Variants in KCTD1 observed in about 807,000 individuals in gnomAD.
KCTD1 encodes BTB/POZ domain-containing protein KCTD1.
In KCTD1, 24 loss-of-function variants were observed where a neutral mutation model predicts 66.0. The ratio of observed to expected loss-of-function variants is 0.36; its 90% CI spans 0.26 to 0.51. The LOEUF (loss-of-function observed/expected upper bound fraction) is 0.51, where lower values mean the gene tolerates loss of function less well. Ranked by LOEUF, KCTD1 falls within the 20% of genes least tolerant of loss-of-function variation. The pLI, the probability that KCTD1 is intolerant of heterozygous loss-of-function variation, is 0.95. For missense variants in KCTD1, 943 were observed against 1,205.2 expected (o/e 0.78, Z 3.22); for synonymous variants, 511 against 517.2 (o/e 0.99, Z 0.16).
chr18:26,653,463 A>G (rs1264183701), intron 1 of KCTD1, among the ~76,000 whole-genome samples: 2 of 152,196 alleles, frequency 1.3e-5, no homozygotes, highest in Non-Finnish European at 2.9e-5. Flanking sequence ...ATGCTACCAG[A>G]ACCCCATATT....
At chr18:26,480,943 A>G (rs1180885921) in intron 2 of KCTD1, among the ~76,000 whole-genome samples, 1 of 152,174 alleles carries the variant, frequency 6.6e-6, no homozygotes, top group African/African-American at 2.4e-5. Context: ...AGTCAAAGAG[A>G]GTATGGGGCT....
chr18:26,567,329 G>A (rs1986003719), intron 1 of KCTD1, among the ~76,000 whole-genome samples: 2 of 152,256 alleles, frequency 1.3e-5, no homozygotes, highest in Admixed American at 6.5e-5. Flanking sequence ...TACAAACTGT[G>A]TAACAACCAC....
At chr18:26,611,912 A>G (rs1987147426) in intron 1 of KCTD1, among the ~76,000 whole-genome samples, 1 of 152,124 alleles carries the variant, frequency 6.6e-6, no homozygotes, top group Admixed American at 6.5e-5. Flanking sequence ...TTTGCTTTTA[A>G]GATTTGTTAG....
At chr18:26,649,866 T>C (rs1244940020) in intron 1 of KCTD1, among the ~76,000 whole-genome samples, 1 of 152,156 alleles carries the variant, frequency 6.6e-6, no homozygotes, top group Non-Finnish European at 1.5e-5. Flanking sequence ...CCAGAGGCGA[T>C]TCCAAGTTTA....
At chr18:26,471,069 C>T (rs894871778) in intron 3 of KCTD1, among the ~76,000 whole-genome samples, 8 of 152,094 alleles carry the variant, frequency 5.3e-5, no homozygotes, top group African/African-American at 1.9e-4. Context: ...CTCATTTCTG[C>T]TTGACCCTCT....
intron 1 of KCTD1, among the ~76,000 whole-genome samples, chr18:26,556,921 T>C (rs1015736435): frequency 4.6e-5 from 7 of 152,178 alleles, no homozygotes; most frequent in Admixed American, 4.6e-4. Flanking sequence ...GCCATTTACC[T>C]TTTAAGTACT....
At chr18:26,551,050 C>T (rs1182221380), upstream of KCTD1, among the ~76,000 whole-genome samples, 1 of 152,184 alleles carries the variant, frequency 6.6e-6, no homozygotes, top group Non-Finnish European at 1.5e-5. Context: ...AGCCGCCCCC[C>T]AGGTCTCCCC....
At chr18:26,492,695 G>A (rs1416464929) in intron 2 of KCTD1, among the ~76,000 whole-genome samples, 1 of 151,936 alleles carries the variant, frequency 6.6e-6, no homozygotes, top group African/African-American at 2.4e-5. Context: ...AAGCATCATG[G>A]AGTCAGAGTG....
At chr18:26,519,633 C>T (rs543019714) in intron 1 of KCTD1, among the ~76,000 whole-genome samples, 1 of 152,304 alleles carries the variant, frequency 6.6e-6, no homozygotes, top group East Asian at 1.9e-4. Context: ...ATTATTTCAT[C>T]TGCCAATAAC....
Position 26,476,717 on chromosome 18 carries a change from A to T in KCTD1, c.1989-58T>A, listed in dbSNP as rs1981368816. On this transcript the variant is annotated intron_variant, in intron 2 of 4. Transcript: ENST00000580059. This position sits in a 1 kb window ranked among gnomAD's most constrained non-coding sequence, Gnocchi z 4.9. ...TTAGATCAATTGTTCGGGCACTAGG[A>T]CTAAGAGGTGTCTTTTATCACTGTC... The T allele has an allele frequency of 6.7e-7, 1 of 1,493,038 alleles. No individual in the cohort carries two copies. Among genetic ancestry groups the T allele is most frequent in the African/African-American group, 1.4e-5 (1 of 71,496 alleles). The allele number at this position is 1,493,038 out of a possible 1,614,324, so 92.5% of individuals were successfully genotyped here. A position where few individuals can be genotyped will look rare whatever the true frequency, so the allele number is the denominator to read the frequency against.
chr18:26,492,893 T>A (rs911061427), intron 2 of KCTD1, among the ~76,000 whole-genome samples: 1 of 152,178 alleles, frequency 6.6e-6, no homozygotes, highest in African/African-American at 2.4e-5. Flanking sequence ...TAAGGTTATA[T>A]GAAATAAACC....
chr18:26,577,172 C>T (rs1986244023), intron 1 of KCTD1, among the ~76,000 whole-genome samples: 1 of 152,172 alleles, frequency 6.6e-6, no homozygotes, highest in Admixed American at 6.5e-5. Flanking sequence ...TGGTACCCTG[C>T]TGTGTGCTTT....
At chr18:26,643,908 G>A (rs546735830), upstream of KCTD1, among the ~76,000 whole-genome samples, 3 of 152,096 alleles carry the variant, frequency 2.0e-5, no homozygotes, top group Non-Finnish European at 4.4e-5. Flanking sequence ...CTTGCAGTGA[G>A]CTGAGATAGC....
chr18:26,597,331 G>A (rs1172642649), intron 1 of KCTD1, among the ~76,000 whole-genome samples: 1 of 152,110 alleles, frequency 6.6e-6, no homozygotes, highest in African/African-American at 2.4e-5. Flanking sequence ...GAACAAACTT[G>A]AGGTGTGGAG....
At chr18:26,643,136 G>A (rs567480352), upstream of KCTD1, among the ~76,000 whole-genome samples, 12 of 152,270 alleles carry the variant, frequency 7.9e-5, no homozygotes, top group East Asian at 2.1e-3. Context: ...GCAGATTCTG[G>A]CAGGGCTCTC....
chr18:26,493,677 G>A (rs1442980291), intron 2 of KCTD1, among the ~76,000 whole-genome samples: 2 of 152,082 alleles, frequency 1.3e-5, no homozygotes, highest in Admixed American at 6.5e-5. Flanking sequence ...CCATCCCCTC[G>A]AGCATTTATC....
At chr18:26,487,170 T>C (rs1981962305) in intron 2 of KCTD1, among the ~76,000 whole-genome samples, 1 of 152,044 alleles carries the variant, frequency 6.6e-6, no homozygotes, top group Non-Finnish European at 1.5e-5. Context: ...TGAAAGGTGG[T>C]TGGATGAATG....
chr18:26,550,712 C>T (rs1002123885), upstream of KCTD1, among the ~76,000 whole-genome samples: 7 of 152,364 alleles, frequency 4.6e-5, no homozygotes, highest in African/African-American at 1.4e-4. This position sits in a 1 kb window ranked among gnomAD's most constrained non-coding sequence, Gnocchi z 5.4. Flanking sequence ...CCCGCCGCAC[C>T]CGCCCTGGAC....
At chr18:26,627,262 T>TTGTGTGTG (rs59902249) in intron 1 of KCTD1, among the ~76,000 whole-genome samples, 138 of 146,038 alleles carry the variant, frequency 9.4e-4, no homozygotes, top group Middle Eastern at 3.4e-3. Context: ...CTTCTGGGTT[T>TTGTGTGTG]TGTGTGTGTG....
Sources: gnomAD v4.1 joint callset for allele counts (sites outside exome capture counted in the v4.1 genomes callset) on GRCh38, gnomAD v4.1.1 for gene constraint, Gnocchi (gnomAD v3.1) non-coding constraint, MANE v1.5 for transcripts, NCBI Gene and HGNC (gene_info 2026-07-23, HGNC 2026-07-21) for gene names.